The following TOGARAM1 variants were observed in gnomAD, a reference collection of about 807,000 sequenced individuals.
The protein encoded by TOGARAM1 is TOG array regulator of axonemal microtubules protein 1.
In TOGARAM1, 100 loss-of-function variants were observed where a neutral mutation model predicts 166.6. That is an observed-to-expected ratio of 0.60 (90% CI 0.51 to 0.71). TOGARAM1 has a LOEUF of 0.71. TOGARAM1 is among the 30% of genes least tolerant of loss of function. The probability of loss-of-function intolerance (pLI) is 0.00; values close to 1 mark genes in which losing one functional copy is unlikely to be tolerated. For synonymous variants in TOGARAM1, 758 were observed against 763.8 expected, an observed-to-expected ratio of 0.99 and a Z score of 0.13; for missense variants, 2,029 against 2,102.7, an observed-to-expected ratio of 0.96 and a Z score of 0.69.
At chr14:45,058,798 C>T (rs1302534865) in intron 16 of TOGARAM1, among the ~76,000 whole-genome samples, 1 of 151,972 alleles carries the variant, frequency 6.6e-6, no homozygotes, top group East Asian at 1.9e-4. Flanking sequence ...AGTGTTATCT[C>T]CCTGTTTTAT....
intron 7 of TOGARAM1, among the ~76,000 whole-genome samples, chr14:45,017,066 A>G (rs1880190677): frequency 6.6e-6 from 1 of 152,222 alleles, no homozygotes; most frequent in Admixed American, 6.5e-5. Flanking sequence ...TTAGAAATAC[A>G]AAATGAACAA....
Position 44,964,307 on chromosome 14 carries a change from AC to A in TOGARAM1, c.1887del (p.His629GlnfsTer2). ...AGTGCACACTGTCACTGTGGTGACC[AC>A]GTGAGGGATAGCATGCACATTTATG... ...TQSAHCHCGD[H>X]VRDSMHIYGS... On this transcript the variant is annotated frameshift_variant, in exon 1 of 20. Coordinates refer to ENST00000361462, the MANE Select transcript of TOGARAM1 (RefSeq NM_001308120.2). LOFTEE classifies it high-confidence loss of function. 3 of 1,614,196 alleles carry A rather than the reference AC, an allele frequency of 1.9e-6. No individual in the cohort carries two copies. The highest frequency in any genetic ancestry group is 2.5e-6 in the Non-Finnish European group (3 of 1,180,024).
At chr14:45,065,603 A>G (rs373958660) in intron 16 of TOGARAM1, among the ~76,000 whole-genome samples, 3 of 152,192 alleles carry the variant, frequency 2.0e-5, no homozygotes, top group South Asian at 2.1e-4. Context: ...TGTCATTGCC[A>G]TAATAATTCC....
chr14:44,964,191 A>T lies in TOGARAM1; in HGVS notation c.1770A>T (p.Ala590=). ...RLTEQGFVEY[A]VLMPSSAGGR... ...CAGAGCAGGGATTTGTGGAATATGC[A>T]GTACTGATGCCATCTTCTGCCGGGG... The change falls in exon 1 of 20, where the codon GCA becomes GCT. Residue 590 remains alanine, a synonymous_variant. Transcript: ENST00000361462. 1 of 1,614,224 alleles carries T rather than the reference A, an allele frequency of 6.2e-7. No homozygotes were observed. The highest frequency in any genetic ancestry group is 8.5e-7 in the Non-Finnish European group (1 of 1,180,048).
chr14:44,963,898 A>G lies in TOGARAM1; in HGVS notation c.1477A>G (p.Ile493Val). ...CAGAGTGAGAGAGGAGGTGGTGAACATTTGCATCTGCTCCCTGCTGACCTA... is the reference window on the plus strand; with the variant it reads ...CAGAGTGAGAGAGGAGGTGGTGAACGTTTGCATCTGCTCCCTGCTGACCTA... ...HSRVREEVVN[I>V]CICSLLTYPS... The change falls in exon 1 of 20, where the codon ATT becomes GTT. Residue 493 changes from isoleucine (I) to valine (V), a missense_variant. Around this residue, in one of 2 missense-constraint regions of TOGARAM1, gnomAD observed 1,453 missense variants for 1,432.2 expected, o/e 1.01. Coordinates refer to ENST00000361462, the MANE Select transcript of TOGARAM1 (RefSeq NM_001308120.2). The G allele has an allele frequency of 1.2e-6, 2 of 1,613,918 alleles. No individual in the cohort carries two copies. Among genetic ancestry groups the G allele is most frequent in the Non-Finnish European group, 8.5e-7 (1 of 1,179,820 alleles).
At chr14:44,976,246 T>G (rs1886185337) in intron 1 of TOGARAM1, among the ~76,000 whole-genome samples, 1 of 152,328 alleles carries the variant, frequency 6.6e-6, no homozygotes, top group African/African-American at 2.4e-5. Flanking sequence ...TCCTTATTCG[T>G]TGCCTATCTA....
Position 45,074,199 on chromosome 14 carries a change from C to T in TOGARAM1, c.*638C>T, listed in dbSNP as rs1021997227. On this transcript the variant is annotated 3_prime_UTR_variant, in exon 20 of 20. Transcript: ENST00000361462. Reference sequence around the variant, plus strand: ...TAGAAAACATTAAACATTTTAAATGCACGTTTAAAAAACGTGTTGAATGTA... The same window carrying T: ...TAGAAAACATTAAACATTTTAAATGTACGTTTAAAAAACGTGTTGAATGTA... The T allele has an allele frequency of 6.6e-6, 1 of 152,534 alleles. No individual in the cohort carries two copies. Among genetic ancestry groups the T allele is most frequent in the African/African-American group, 2.4e-5 (1 of 41,424 alleles). 9.4% of individuals were successfully genotyped at this position (152,534 alleles called of 1,614,324 possible).
intron 1 of TOGARAM1, among the ~76,000 whole-genome samples, chr14:44,984,881 C>T (rs1321452142): frequency 6.6e-6 from 1 of 152,166 alleles, no homozygotes; most frequent in East Asian, 1.9e-4. Flanking sequence ...ACCTTGTATA[C>T]ATATTTCTAT....
intron 16 of TOGARAM1, among the ~76,000 whole-genome samples, chr14:45,056,872 A>T (rs981842330): frequency 1.3e-5 from 2 of 152,170 alleles, no homozygotes; most frequent in African/African-American, 4.8e-5. Context: ...TTGGCCTCAT[A>T]GAATAATTTA....
At chr14:45,016,397 A>T (rs1170824794) in intron 7 of TOGARAM1, among the ~76,000 whole-genome samples, 1 of 152,196 alleles carries the variant, frequency 6.6e-6, no homozygotes, top group Admixed American at 6.5e-5. Flanking sequence ...AAAAGAAAAA[A>T]GAAGCCGGGT....
At chr14:44,995,512 C>T (rs752750921) in intron 1 of TOGARAM1, 1 of 521,394 alleles carries the variant, frequency 1.9e-6, no homozygotes, top group African/African-American at 1.9e-5. Context: ...TGGTAAGGAA[C>T]AGTAAAGGGT....
chr14:45,021,802 C>A (rs1385708983), intron 7 of TOGARAM1, among the ~76,000 whole-genome samples: 1 of 152,134 alleles, frequency 6.6e-6, no homozygotes, highest in Non-Finnish European at 1.5e-5. Flanking sequence ...TTTCCCTCTT[C>A]TCAGGGACAG....
chr14:45,073,025 C>T (rs1413562333), intron 19 of TOGARAM1, among the ~76,000 whole-genome samples: 1 of 152,156 alleles, frequency 6.6e-6, no homozygotes, highest in Non-Finnish European at 1.5e-5. Flanking sequence ...TGTTTCACTA[C>T]ATTTGGAAAA....
chr14:44,998,145 G>T (rs1451623650), intron 2 of TOGARAM1, among the ~76,000 whole-genome samples: 2 of 152,186 alleles, frequency 1.3e-5, no homozygotes, highest in Non-Finnish European at 2.9e-5. Context: ...CATAATGACT[G>T]CATAGTTTAT....
At chr14:44,992,947 G>A (rs1887224870) in intron 1 of TOGARAM1, among the ~76,000 whole-genome samples, 1 of 151,446 alleles carries the variant, frequency 6.6e-6, no homozygotes, top group South Asian at 2.1e-4. Flanking sequence ...TGAAAAATAT[G>A]CAGGGATTCA....
At chr14:45,072,861 A>G (rs1883443749) in intron 19 of TOGARAM1, among the ~76,000 whole-genome samples, 1 of 152,200 alleles carries the variant, frequency 6.6e-6, no homozygotes, top group Non-Finnish European at 1.5e-5. Context: ...GGAGAAGAAA[A>G]AAAGCCCTTA....
intron 7 of TOGARAM1, among the ~76,000 whole-genome samples, chr14:45,022,059 T>C (rs1566641388): frequency 6.6e-6 from 1 of 151,994 alleles, no homozygotes; most frequent in Non-Finnish European, 1.5e-5. Flanking sequence ...TTTGAGTGTT[T>C]CGTTCATTTT....
In TOGARAM1 at chr14:45,039,902, G is replaced by A. The variant is rs530136434; in HGVS notation, c.3813-3784G>A. On this transcript the variant is annotated intron_variant, in intron 11 of 19. Transcript: ENST00000361462. ...GCTCCAGGGAGCACACAGTCCCAGC[G>A]CACTTCCCCTGCCACAGCTGGTGTC... 9.2e-5 allele frequency among the ~76,000 whole-genome samples: 14 copies of A among 152,198 alleles called. No homozygotes were observed. The East Asian group carries it at 1.9e-3, about 21-fold the overall frequency.
At chr14:45,025,998 C>T (rs976650792) in intron 8 of TOGARAM1, 126 bp downstream of exon 8, 1 of 521,744 alleles carries the variant, frequency 1.9e-6, no homozygotes, top group Non-Finnish European at 3.4e-6. Context: ...AAATGTATTA[C>T]ATTATCTTCA....
Sources: gnomAD v4.1 joint callset for allele counts (sites outside exome capture counted in the v4.1 genomes callset) on GRCh38, gnomAD v4.1.1 for gene constraint, gnomAD v4.1.1 regional missense constraint, MANE v1.5 for transcripts, NCBI Gene and HGNC (gene_info 2026-07-23, HGNC 2026-07-21) for gene names.